The following CAPZB variants were observed in gnomAD, a reference collection of about 807,000 sequenced individuals.
The protein encoded by CAPZB is F-actin-capping protein subunit beta.
Under a neutral mutation model 38.1 loss-of-function variants are expected in CAPZB, and 2 were observed. The observed-to-expected ratio is 0.05, with a 90% CI of 0.02 to 0.17. The LOEUF (loss-of-function observed/expected upper bound fraction) is 0.17. Among genes scored for constraint, CAPZB ranks in the 10% least tolerant of loss-of-function variants. The pLI, the probability that CAPZB is intolerant of heterozygous loss-of-function variation, is 1.00. For synonymous variants in CAPZB, 107 were observed against 127.4 expected (o/e 0.84, Z 1.08); for missense variants, 161 against 334.2 (o/e 0.48, Z 4.04).
chr1:19,412,978 C>T (rs1054807385), intron 2 of CAPZB, among the ~76,000 whole-genome samples: 2 of 152,206 alleles, frequency 1.3e-5, no homozygotes, highest in Admixed American at 6.5e-5. Flanking sequence ...TAGAGCGAGG[C>T]TTTTCATCTG....
chr1:19,340,915 C>T (rs538965379), intron 8 of CAPZB, among the ~76,000 whole-genome samples: 67 of 152,144 alleles, frequency 4.4e-4, no homozygotes, highest in African/African-American at 1.5e-3. Flanking sequence ...TGCACTCAGC[C>T]GGACTCTCAC....
intron 6 of CAPZB, among the ~76,000 whole-genome samples, chr1:19,354,503 T>A (rs1251443186): frequency 6.6e-6 from 1 of 152,168 alleles, no homozygotes; most frequent in Admixed American, 6.5e-5. Context: ...GATGTGGTGA[T>A]CGGCCGTTAG....
chr1:19,369,370 G>C (rs1396157993), intron 4 of CAPZB, among the ~76,000 whole-genome samples: 6 of 152,248 alleles, frequency 3.9e-5, no homozygotes, highest in Non-Finnish European at 8.8e-5. Flanking sequence ...CCCCTCCAAA[G>C]CTGTGAGGTT....
chr1:19,480,939 CT>C (rs2094626216), intron 1 of CAPZB, among the ~76,000 whole-genome samples: 1 of 152,216 alleles, frequency 6.6e-6, no homozygotes, highest in Non-Finnish European at 1.5e-5. Context: ...CCATACACCC[CT>C]TTGCACACTT....
At chr1:19,399,577 G>A (rs555843166) in intron 2 of CAPZB, among the ~76,000 whole-genome samples, 1 of 152,274 alleles carries the variant, frequency 6.6e-6, no homozygotes, top group East Asian at 1.9e-4. Context: ...GCTACATGGG[G>A]CATGGGCCAC....
In CAPZB at chr1:19,345,179, T is replaced by A; in HGVS notation, c.654+8A>T. 1 of 1,612,418 alleles carries A rather than the reference T, an allele frequency of 6.2e-7. No homozygotes were observed. The highest frequency in any genetic ancestry group is 8.5e-7 in the Non-Finnish European group (1 of 1,178,572). On this transcript the variant is annotated splice_region_variant and intron_variant, in intron 7 of 8. Transcript: ENST00000264202. ...CTGCAGGAGCCAGCCAGAGCCCAGGTCACTCACCTCTACCAGGCGCCCGAT... is the reference window on the plus strand; with the variant it reads ...CTGCAGGAGCCAGCCAGAGCCCAGGACACTCACCTCTACCAGGCGCCCGAT...
chr1:19,445,691 G>A (rs1346818566), intron 1 of CAPZB, among the ~76,000 whole-genome samples: 2 of 152,156 alleles, frequency 1.3e-5, no homozygotes, highest in Non-Finnish European at 2.9e-5. Context: ...TGGTGAGCTG[G>A]GGCAGGAGTG....
In CAPZB at chr1:19,485,503, G is replaced by A. The variant is rs914023330; in HGVS notation, c.-65C>T. ...GGCTCTCCCCCCCGCAGCAGGGCCC[G>A]GCGCTTCCACTTCCCCGGGTGCCCA... On this transcript the variant is annotated 5_prime_UTR_variant, in exon 1 of 9. Transcript: ENST00000264202. The A allele has an allele frequency of 6.6e-6, 8 of 1,215,834 alleles. No homozygotes were observed. Among genetic ancestry groups the A allele is most frequent in the East Asian group, 3.2e-5 (1 of 31,268 alleles). The allele number at this position is 1,215,834 out of a possible 1,614,324, so 75.3% of individuals were successfully genotyped here.
chr1:19,457,612 T>G lies in CAPZB; in HGVS notation c.3+27824A>C, dbSNP rs118144889. Among the ~76,000 whole-genome samples the G allele has an allele frequency of 1.4e-3, 217 of 152,280 alleles. 2 individuals are homozygous for G. The East Asian group carries it at 0.035, about 24-fold the overall frequency. On this transcript the variant is annotated intron_variant, in intron 1 of 8. Coordinates refer to ENST00000264202, the MANE Select transcript of CAPZB (RefSeq NM_004930.5). Reference sequence around the variant, plus strand: ...CATACAAGTGAAAAATGAGGGACGATGTACTGCTGACTAAATTAGAAATTA... The same window carrying G: ...CATACAAGTGAAAAATGAGGGACGAGGTACTGCTGACTAAATTAGAAATTA...
chr1:19,428,711 G>T (rs572741419), intron 1 of CAPZB, among the ~76,000 whole-genome samples: 48 of 152,232 alleles, frequency 3.2e-4, no homozygotes, highest in African/African-American at 8.9e-4. Flanking sequence ...ACCTAAACCT[G>T]GATCTTCTTC....
At chr1:19,474,001 CT>C (rs544201183) in intron 1 of CAPZB, among the ~76,000 whole-genome samples, 216 of 145,696 alleles carry the variant, frequency 1.5e-3, no homozygotes, top group Middle Eastern at 3.6e-3. Flanking sequence ...TATGTACATT[CT>C]TTTTTTTTTT....
At chr1:19,459,060 G>A (rs1558281334) in intron 1 of CAPZB, among the ~76,000 whole-genome samples, 2 of 152,124 alleles carry the variant, frequency 1.3e-5, no homozygotes, top group South Asian at 2.1e-4. Context: ...GCCACCCCAC[G>A]GGCCTGACCC....
intron 1 of CAPZB, among the ~76,000 whole-genome samples, chr1:19,463,795 C>G (rs1252075416): frequency 6.6e-6 from 1 of 152,176 alleles, no homozygotes; most frequent in Non-Finnish European, 1.5e-5. Flanking sequence ...TCAAAGCACA[C>G]AGGGTGGAGA....
intron 6 of CAPZB, among the ~76,000 whole-genome samples, chr1:19,349,313 C>G (rs146279345): frequency 6.6e-6 from 1 of 151,992 alleles, no homozygotes; most frequent in Non-Finnish European, 1.5e-5. Flanking sequence ...GGAGTCAGCT[C>G]GGCAGGCAGG....
chr1:19,474,524 C>T (rs1041765275), intron 1 of CAPZB, among the ~76,000 whole-genome samples: 25 of 152,256 alleles, frequency 1.6e-4, no homozygotes, highest in African/African-American at 6.0e-4. Flanking sequence ...CTTTATCTTG[C>T]CCCCTTCTTA....
intron 1 of CAPZB, among the ~76,000 whole-genome samples, chr1:19,472,272 GA>G (rs1219969271): frequency 2.6e-5 from 4 of 152,180 alleles, no homozygotes; most frequent in Non-Finnish European, 5.9e-5. Context: ...TACTCATCTC[GA>G]AGGCAGATGT....
At chr1:19,423,516 CTTTTTTTT>C (rs11340496) in intron 1 of CAPZB, among the ~76,000 whole-genome samples, 87 of 113,258 alleles carry the variant, frequency 7.7e-4, no homozygotes, top group African/African-American at 2.1e-3. Flanking sequence ...AGTGAACATT[CTTTTTTTT>C]TTTTTTTTTT....
chr1:19,470,842 G>A (rs1422295895), intron 1 of CAPZB, among the ~76,000 whole-genome samples: 1 of 152,200 alleles, frequency 6.6e-6, no homozygotes, highest in East Asian at 1.9e-4. Flanking sequence ...GAAGGATTCT[G>A]GGAAGGAAAC....
chr1:19,471,063 T>A (rs937589891), intron 1 of CAPZB, among the ~76,000 whole-genome samples: 1 of 152,228 alleles, frequency 6.6e-6, no homozygotes, highest in African/African-American at 2.4e-5. Context: ...ATACTGTTTT[T>A]TCCTACACAT....
Sources: allele counts gnomAD v4.1 joint callset (sites outside exome capture counted in the v4.1 genomes callset), GRCh38; gene constraint gnomAD v4.1.1; transcripts MANE v1.5; gene names NCBI Gene and HGNC (gene_info 2026-07-23, HGNC 2026-07-21).